The following C8orf89 variants were observed in gnomAD, a reference collection of about 807,000 sequenced individuals.
The protein encoded by C8orf89 is putative uncharacterized protein C8orf89.
C8orf89 carries 14 observed loss-of-function variants against 15.8 expected under a neutral mutation model. The ratio of observed to expected loss-of-function variants is 0.89; its 90% CI spans 0.59 to 1.39. C8orf89 has a LOEUF of 1.39. Ranked by LOEUF, C8orf89 falls within the 40% of genes most tolerant of loss-of-function variation. The pLI, the probability that C8orf89 is intolerant of heterozygous loss-of-function variation, is 0.00. For missense variants in C8orf89, 181 were observed against 184.5 expected (o/e 0.98, Z 0.11); for synonymous variants, 55 against 62.2 (o/e 0.88, Z 0.54).
the C8orf89 span, among the ~76,000 whole-genome samples, chr8:73,281,497 G>T: frequency 2.0e-5 from 3 of 151,288 alleles, no homozygotes; most frequent in Non-Finnish European, 4.5e-5. Flanking sequence ...ATACAACAAT[G>T]ATTAAAGATA....
upstream of C8orf89, among the ~76,000 whole-genome samples, chr8:73,261,512 G>T (rs1261636816): frequency 6.6e-6 from 1 of 152,076 alleles, no homozygotes; most frequent in Non-Finnish European, 1.5e-5. Context: ...AGCAATGGGG[G>T]AGTAGGGAGA....
chr8:73,243,872 T>C (rs888644940), intron 3 of C8orf89, among the ~76,000 whole-genome samples: 1 of 152,166 alleles, frequency 6.6e-6, no homozygotes, highest in African/African-American at 2.4e-5. Context: ...CAAAAAATAT[T>C]TATCTAAAAA....
At chr8:73,245,568 G>A (rs951981885) in intron 3 of C8orf89, among the ~76,000 whole-genome samples, 8 of 151,826 alleles carry the variant, frequency 5.3e-5, no homozygotes, top group African/African-American at 1.9e-4. Context: ...TTTTTAAAAA[G>A]ACAAAAGCTC....
chr8:73,283,612 G>A, the C8orf89 span, among the ~76,000 whole-genome samples: 455 of 152,302 alleles, frequency 3.0e-3, 2 homozygotes, highest in African/African-American at 0.01. Context: ...GCTCAATACA[G>A]TCTGTTGACA....
the C8orf89 span, among the ~76,000 whole-genome samples, chr8:73,272,381 T>C: frequency 6.6e-6 from 1 of 152,096 alleles, no homozygotes; most frequent in South Asian, 2.1e-4. Flanking sequence ...ACATCTAACA[T>C]TCCTTGAATA....
At chr8:73,277,528 T>G in the C8orf89 span, 1 of 768,358 alleles carries the variant, frequency 1.3e-6, no homozygotes, top group Middle Eastern at 2.4e-4. Flanking sequence ...GCCTTCTCCT[T>G]CCAGGTTTCC....
At chr8:73,262,140 T>C (rs966798515), upstream of C8orf89, among the ~76,000 whole-genome samples, 9 of 152,136 alleles carry the variant, frequency 5.9e-5, no homozygotes, top group Admixed American at 1.3e-4. Flanking sequence ...CTTAAAGAAC[T>C]CAGAATCACG....
chr8:73,277,383 C>T, the C8orf89 span: 2 of 1,117,994 alleles, frequency 1.8e-6, no homozygotes, highest in South Asian at 3.1e-5. Context: ...AGGCCAAAGT[C>T]TGTGGTTTGA....
intron 2 of C8orf89, among the ~76,000 whole-genome samples, chr8:73,254,303 A>C (rs1333065207): frequency 2.6e-5 from 4 of 151,964 alleles, no homozygotes; most frequent in Non-Finnish European, 4.4e-5. Context: ...ATGGTGGATA[A>C]GCTTTTTGAT....
chr8:73,249,256 T>C (rs1001409103), intron 3 of C8orf89, among the ~76,000 whole-genome samples: 1 of 152,180 alleles, frequency 6.6e-6, no homozygotes, highest in African/African-American at 2.4e-5. Context: ...AACCTTGCAC[T>C]GCAGGGATAA....
chr8:73,254,968 C>A (rs1482670223), intron 2 of C8orf89, among the ~76,000 whole-genome samples: 2 of 152,112 alleles, frequency 1.3e-5, no homozygotes, highest in Admixed American at 1.3e-4. Context: ...AAAATTAATT[C>A]AAGATGGATT....
chr8:73,248,813 T>C (rs1813184511), intron 3 of C8orf89, among the ~76,000 whole-genome samples: 2 of 152,224 alleles, frequency 1.3e-5, no homozygotes, highest in African/African-American at 4.8e-5. Flanking sequence ...TTTGCTGAAG[T>C]TGTTTATCAG....
intron 2 of C8orf89, among the ~76,000 whole-genome samples, chr8:73,255,429 AC>A (rs1813349034): frequency 6.6e-6 from 1 of 152,040 alleles, no homozygotes. Context: ...ATACCATCTC[AC>A]ACCAGTTAGA....
the C8orf89 span, among the ~76,000 whole-genome samples, chr8:73,264,996 G>T: frequency 6.6e-6 from 1 of 152,106 alleles, no homozygotes; most frequent in Non-Finnish European, 1.5e-5. Context: ...AGTCATAGGT[G>T]GCTACTGAGC....
the C8orf89 span, among the ~76,000 whole-genome samples, chr8:73,270,527 T>G: frequency 1.3e-5 from 2 of 152,142 alleles, no homozygotes; most frequent in Non-Finnish European, 2.9e-5. Context: ...AACTATTACT[T>G]TTATCAAATT....
the C8orf89 span, among the ~76,000 whole-genome samples, chr8:73,284,306 C>T: frequency 0.2 from 29,236 of 146,026 alleles, 2,939 homozygotes; most frequent in Middle Eastern, 0.24. Context: ...CTCCGCCTCC[C>T]GGTTTCAAGC....
chr8:73,285,582 G>A, the C8orf89 span, among the ~76,000 whole-genome samples: 1 of 152,248 alleles, frequency 6.6e-6, no homozygotes, highest in African/African-American at 2.4e-5. Flanking sequence ...GCCAGGGCTC[G>A]TCCTGAGACG....
upstream of C8orf89, among the ~76,000 whole-genome samples, chr8:73,259,845 C>T (rs968811175): frequency 2.6e-5 from 4 of 152,068 alleles, no homozygotes; most frequent in African/African-American, 9.7e-5. Context: ...AATCACTTAC[C>T]CTGCTTACTT....
chr8:73,281,989 T>A, the C8orf89 span, among the ~76,000 whole-genome samples: 1 of 152,208 alleles, frequency 6.6e-6, no homozygotes, highest in African/African-American at 2.4e-5. Flanking sequence ...AGCAAGCCGT[T>A]TGCTGACCAG....
Sources: gnomAD v4.1 joint callset for allele counts (sites outside exome capture counted in the v4.1 genomes callset) on GRCh38, gnomAD v4.1.1 for gene constraint, MANE v1.5 for transcripts, NCBI Gene and HGNC (gene_info 2026-07-23, HGNC 2026-07-21) for gene names.